ZDHHC13: variants seen among roughly 807,000 people sequenced by gnomAD.
ZDHHC13 encodes the protein zDHHC palmitoyltransferase 13.
Under a neutral mutation model 86.0 loss-of-function variants are expected in ZDHHC13, and 85 were observed. That is an observed-to-expected ratio of 0.99 (90% CI 0.83 to 1.18). The LOEUF is 1.18. ZDHHC13 is among the 50% of genes most tolerant of loss of function. The pLI is 0.00. For synonymous variants in ZDHHC13, 263 were observed against 246.4 expected, an observed-to-expected ratio of 1.07 and a Z score of -0.63; for missense variants, 711 against 730.2, an observed-to-expected ratio of 0.97 and a Z score of 0.30.
intron 4 of ZDHHC13, 134 bp downstream of exon 4, chr11:19,147,807 T>G (rs1224296237): frequency 1.3e-5 from 7 of 555,562 alleles, no homozygotes; most frequent in Non-Finnish European, 1.8e-5. Flanking sequence ...AAATTTCAGC[T>G]TTAAAGAGTT....
Position 19,164,345 on chromosome 11 carries a change from A to G in ZDHHC13, c.1278A>G (p.Thr426=), listed in dbSNP as rs949989923. The G allele has an allele frequency of 8.1e-6, 13 of 1,613,130 alleles. No homozygotes were observed. Among genetic ancestry groups the G allele is most frequent in the Non-Finnish European group, 1.1e-5 (13 of 1,179,482 alleles). Reference sequence around the variant, plus strand: ...AAACTGGCTCTCTGGACTTCAGAACATTTTGTACATCATGTCTTGTGAGTT... The same window carrying G: ...AAACTGGCTCTCTGGACTTCAGAACGTTTTGTACATCATGTCTTGTGAGTT... ...LAETGSLDFR[T]FCTSCLIRKP... is the part of the protein sequence containing the mutation. Residue 426 remains threonine (T), a synonymous_variant, in exon 12 of 17, where the codon ACA becomes ACG. Coordinates refer to ENST00000446113, the MANE Select transcript of ZDHHC13 (RefSeq NM_019028.3).
intron 1 of ZDHHC13, among the ~76,000 whole-genome samples, chr11:19,134,892 T>A (rs1849091781): frequency 6.6e-6 from 1 of 151,710 alleles, no homozygotes; most frequent in Non-Finnish European, 1.5e-5. Context: ...ATTATCTGGG[T>A]ATGGTGGCAT....
chr11:19,134,785 A>G (rs1026730268), intron 1 of ZDHHC13, among the ~76,000 whole-genome samples: 2 of 152,180 alleles, frequency 1.3e-5, no homozygotes, highest in Admixed American at 6.5e-5. Context: ...GCAGCAAACC[A>G]CCATGGCACA....
rs370534138 is a variant in ZDHHC13 at position 19,155,581 on chromosome 11, CAAAA to C, written c.874-197_874-194del. Among the ~76,000 whole-genome samples, 10 of 46,812 alleles carry C rather than the reference CAAAA, an allele frequency of 2.1e-4. No homozygotes were observed. The South Asian group carries it at 3.1e-3, about 15-fold the overall frequency. 30.7% of individuals were successfully genotyped at this position (46,812 alleles called of 152,430 possible). A position where few individuals can be genotyped will look rare whatever the true frequency, so the allele number is the denominator to read the frequency against. On this transcript the variant is annotated intron_variant, in intron 8 of 16. Coordinates refer to ENST00000446113, the MANE Select transcript of ZDHHC13 (RefSeq NM_019028.3). ...GGGCAACAAGAATGAAACTTCATCT[CAAAA>C]AAAAAAAAAAAAAAAAAGATTGTTT...
chr11:19,172,605 G>T, intron 15 of ZDHHC13, 118 bp from the exon 16 acceptor site: 2 of 663,110 alleles, frequency 3.0e-6, no homozygotes, highest in Non-Finnish European at 2.3e-6. Flanking sequence ...CCCTTTTCAA[G>T]GAGATACTAA....
intron 10 of ZDHHC13, among the ~76,000 whole-genome samples, chr11:19,161,651 A>G (rs1418997405): frequency 2.0e-5 from 3 of 151,974 alleles, no homozygotes; most frequent in South Asian, 4.1e-4. Context: ...ATTCAAACTC[A>G]GGAGAGAAAT....
intron 1 of ZDHHC13, among the ~76,000 whole-genome samples, chr11:19,118,281 C>G (rs1027114264): frequency 1.4e-4 from 21 of 152,270 alleles, no homozygotes; most frequent in African/African-American, 5.1e-4. Flanking sequence ...TTTCCAGTCC[C>G]GAGAGTGTTC....
intron 5 of ZDHHC13, 73 bp downstream of exon 5, chr11:19,149,404 C>T (rs1407186557): frequency 8.1e-6 from 11 of 1,349,714 alleles, no homozygotes; most frequent in African/African-American, 4.4e-5. Flanking sequence ...TAGTAGTAGT[C>T]TCTTCTCATT....
At chr11:19,140,158 C>T (rs1473979231) in intron 1 of ZDHHC13, among the ~76,000 whole-genome samples, 6 of 150,200 alleles carry the variant, frequency 4.0e-5, no homozygotes, top group Non-Finnish European at 8.9e-5. Context: ...ATTTTCGCAA[C>T]CTACTCATCT....
chr11:19,120,976 A>G (rs1848748793), intron 1 of ZDHHC13, among the ~76,000 whole-genome samples: 1 of 152,188 alleles, frequency 6.6e-6, no homozygotes, highest in Admixed American at 6.5e-5. Context: ...GTTAGTGAAC[A>G]TCTTGAAATT....
chr11:19,126,320 C>G (rs1391199098), intron 1 of ZDHHC13, among the ~76,000 whole-genome samples: 1 of 146,710 alleles, frequency 6.8e-6, no homozygotes, highest in Non-Finnish European at 1.5e-5. Flanking sequence ...TTGTTCCCTT[C>G]TTCTTTTTTT....
At position 19,147,685 on chromosome 11, in the gene ZDHHC13, T is replaced by C. The variant is rs778430435; in HGVS notation, c.374+12T>C. The C allele has an allele frequency of 7.6e-6, 12 of 1,585,196 alleles. No individual in the cohort carries two copies. The highest frequency in any genetic ancestry group is 1.7e-4 in the Middle Eastern group (1 of 6,032). ...CACTGGGCCATCCGGTAAGGTTTCT[T>C]TGAACACTGAAATTAAATAGCCACA... On this transcript the variant is annotated intron_variant, in intron 4 of 16. Coordinates refer to ENST00000446113, the MANE Select transcript of ZDHHC13 (RefSeq NM_019028.3).
intron 1 of ZDHHC13, among the ~76,000 whole-genome samples, chr11:19,122,103 A>G (rs1312386115): frequency 6.6e-6 from 1 of 152,196 alleles, no homozygotes; most frequent in Admixed American, 6.5e-5. Context: ...TAAAAATTTC[A>G]GCTCTCTTCT....
intron 14 of ZDHHC13, chr11:19,169,774 T>C (rs1590093175): frequency 1.0e-6 from 1 of 985,504 alleles, no homozygotes; most frequent in Non-Finnish European, 1.2e-6. Flanking sequence ...AGTTCTTTAA[T>C]TGGCACACCT....
Position 19,170,414 on chromosome 11 carries a change from TGTC to T in ZDHHC13, c.1479_1481del (p.Leu493_Ser494delinsPhe). 2.0e-6 allele frequency: 3 copies of T among 1,530,140 alleles called. No homozygotes were observed. The highest frequency in any genetic ancestry group is 2.6e-6 in the Non-Finnish European group (3 of 1,141,846). 94.8% of individuals were successfully genotyped at this position (1,530,140 alleles called of 1,614,324 possible). On this transcript the variant is annotated inframe_deletion, in exon 15 of 17. Coordinates refer to ENST00000446113, the MANE Select transcript of ZDHHC13 (RefSeq NM_019028.3). ...TTTTTTTTTGGTGAATTCACAGATT[TGTC>T]CAGTCATTGTGCCACAACATTCAAA...
chr11:19,168,966 G>T (rs1850145859), intron 14 of ZDHHC13: 1 of 985,270 alleles, frequency 1.0e-6, no homozygotes, highest in Admixed American at 6.1e-5. Context: ...GACCTGGAAT[G>T]ATGTGAGTTC....
intron 1 of ZDHHC13, 107 bp from the exon 2 acceptor site, chr11:19,142,871 A>G: frequency 3.2e-6 from 4 of 1,250,230 alleles, no homozygotes; most frequent in Non-Finnish European, 2.1e-6. Flanking sequence ...ACTCCAAAAA[A>G]TGTAATTTAT....
chr11:19,123,581 G>T (rs971208746), intron 1 of ZDHHC13, among the ~76,000 whole-genome samples: 1 of 152,092 alleles, frequency 6.6e-6, no homozygotes, highest in African/African-American at 2.4e-5. Flanking sequence ...CCAGCAGATA[G>T]GGCTGTAGTG....
chr11:19,152,763 G>C, intron 8 of ZDHHC13, 79 bp downstream of exon 8: 1 of 1,594,500 alleles, frequency 6.3e-7, no homozygotes, highest in African/African-American at 1.3e-5. Context: ...GGCATCAGAG[G>C]AAACCAGAGA....
Sources: allele counts gnomAD v4.1 joint callset (sites outside exome capture counted in the v4.1 genomes callset), GRCh38; gene constraint gnomAD v4.1.1; transcripts MANE v1.5; gene names NCBI Gene and HGNC (gene_info 2026-07-23, HGNC 2026-07-21).